SLC1A3: variants seen among roughly 807,000 people sequenced by gnomAD.
SLC1A3 encodes solute carrier family 1 member 3.
Under a neutral mutation model 48.1 loss-of-function variants are expected in SLC1A3, and 21 were observed. That is an observed-to-expected ratio of 0.44 (90% CI 0.31 to 0.63). SLC1A3 has a LOEUF of 0.63. Among genes scored for constraint, SLC1A3 ranks in the 20% least tolerant of loss-of-function variants. The probability of loss-of-function intolerance (pLI) is 0.08; values close to 1 mark genes in which losing one functional copy is unlikely to be tolerated. For missense variants in SLC1A3, 546 were observed against 689.0 expected, an observed-to-expected ratio of 0.79 and a Z score of 2.32; for synonymous variants, 239 against 251.4, an observed-to-expected ratio of 0.95 and a Z score of 0.47.
At chr5:36,655,692 C>T (rs572109307) in intron 3 of SLC1A3, among the ~76,000 whole-genome samples, 1 of 152,348 alleles carries the variant, frequency 6.6e-6, no homozygotes, top group East Asian at 1.9e-4. Context: ...AACTTTCATT[C>T]TGTCCTAGCC....
chr5:36,620,581 A>T (rs1739623305), intron 2 of SLC1A3, among the ~76,000 whole-genome samples: 1 of 152,234 alleles, frequency 6.6e-6, no homozygotes. Context: ...GCTGGGGCCC[A>T]GGCACTGTTG....
chr5:36,604,339 G>GAAA (rs5867330), upstream of SLC1A3, among the ~76,000 whole-genome samples: 3,688 of 150,362 alleles, frequency 0.025, 115 homozygotes, highest in African/African-American at 0.078. Context: ...TTTCTAGAAG[G>GAAA]AAAAAAAAAG....
At chr5:36,624,691 C>T (rs1739832397) in intron 2 of SLC1A3, among the ~76,000 whole-genome samples, 1 of 152,164 alleles carries the variant, frequency 6.6e-6, no homozygotes, top group Admixed American at 6.5e-5. Flanking sequence ...ATTAAATGTC[C>T]TTCTCACGTT....
intron 3 of SLC1A3, among the ~76,000 whole-genome samples, chr5:36,645,224 G>T (rs1403077700): frequency 1.3e-5 from 2 of 150,332 alleles, no homozygotes; most frequent in African/African-American, 4.9e-5. Context: ...TGCAAGGAGA[G>T]CCCCTCAAGT....
chr5:36,680,676 G>C, intron 8 of SLC1A3, 87 bp downstream of exon 8: 1 of 1,129,824 alleles, frequency 8.9e-7, no homozygotes. Flanking sequence ...CTAACACTTT[G>C]GGAGGCCAAG....
intron 3 of SLC1A3, among the ~76,000 whole-genome samples, chr5:36,656,613 A>G (rs1741295788): frequency 6.6e-6 from 1 of 152,254 alleles, no homozygotes; most frequent in Non-Finnish European, 1.5e-5. Context: ...TGAGAAGAGG[A>G]GCTACTATTT....
chr5:36,607,506 T>C (rs1402294148), intron 1 of SLC1A3, among the ~76,000 whole-genome samples: 2 of 152,220 alleles, frequency 1.3e-5, no homozygotes, highest in African/African-American at 4.8e-5. Flanking sequence ...GGAATGAAAA[T>C]TGGTTTCATC....
At chr5:36,668,946 T>C (rs1380144692) in intron 3 of SLC1A3, 7 of 152,066 alleles carry the variant, frequency 4.6e-5, no homozygotes, top group Non-Finnish European at 8.8e-5. Context: ...TCTCTCCGAA[T>C]AGCTGTAGGT....
intron 4 of SLC1A3, among the ~76,000 whole-genome samples, chr5:36,672,556 T>C (rs1409718776): frequency 1.3e-5 from 2 of 152,192 alleles, no homozygotes; most frequent in African/African-American, 4.8e-5. Context: ...CCATTCCCCA[T>C]TGATCTTCTG....
chr5:36,630,824 A>G (rs984298339), intron 3 of SLC1A3, among the ~76,000 whole-genome samples: 1 of 152,212 alleles, frequency 6.6e-6, no homozygotes, highest in Non-Finnish European at 1.5e-5. Context: ...GCATGTACAT[A>G]TGCTTTCACT....
rs751669761 is a variant in SLC1A3 at position 36,677,117 on chromosome 5, C to A, written c.793C>A (p.Gln265Lys). The A allele has an allele frequency of 2.5e-6, 4 of 1,614,108 alleles. No homozygotes were observed. Among genetic ancestry groups the A allele is most frequent in the Middle Eastern group, 1.6e-4 (1 of 6,062 alleles). Residue 265 changes from glutamine to lysine, a missense_variant, in exon 6 of 10, where the codon CAG (glutamine) becomes AAG (lysine). Around this residue, in one of 3 missense-constraint regions of SLC1A3, gnomAD observed 348 missense variants for 392.0 expected, o/e 0.89. Transcript: ENST00000265113. ...GATTGGAAACATGAAGGAACAGGGG[C>A]AGGCCCTGAGAGAGTTCTTTGATTC... ...FVIGNMKEQG[Q>K]ALREFFDSLN...
intron 3 of SLC1A3, among the ~76,000 whole-genome samples, chr5:36,665,485 T>C (rs1741703383): frequency 6.6e-6 from 1 of 152,248 alleles, no homozygotes; most frequent in African/African-American, 2.4e-5. Context: ...TCTTGCAATG[T>C]AGATATTGTT....
At chr5:36,647,360 A>G (rs1384809924) in intron 3 of SLC1A3, among the ~76,000 whole-genome samples, 5 of 152,282 alleles carry the variant, frequency 3.3e-5, no homozygotes, top group African/African-American at 1.2e-4. Context: ...TTTTCAATGT[A>G]CAAGAGGCAA....
At chr5:36,603,802 T>A (rs1001994981), upstream of SLC1A3, among the ~76,000 whole-genome samples, 3 of 152,182 alleles carry the variant, frequency 2.0e-5, no homozygotes, top group Non-Finnish European at 2.9e-5. Flanking sequence ...TTCATGATGA[T>A]CCTAAAATGC....
Position 36,679,867 on chromosome 5 carries a change from A to T in SLC1A3, c.1094+7A>T. ...CTCTGGGGACCTCTTCAAGGTATGTATGTATGTGTGGAAAATGAGTCTGAA... is the reference window on the plus strand; with the variant it reads ...CTCTGGGGACCTCTTCAAGGTATGTTTGTATGTGTGGAAAATGAGTCTGAA... On this transcript the variant is annotated splice_region_variant and intron_variant, in intron 7 of 9. Transcript: ENST00000265113. 6.3e-7 allele frequency: 1 copy of T among 1,594,690 alleles called. No homozygotes were observed. Among genetic ancestry groups the T allele is most frequent in the Non-Finnish European group, 8.6e-7 (1 of 1,162,438 alleles).
At chr5:36,632,870 T>C (rs1057235127) in intron 3 of SLC1A3, among the ~76,000 whole-genome samples, 2 of 152,204 alleles carry the variant, frequency 1.3e-5, no homozygotes, top group African/African-American at 4.8e-5. Context: ...TGTTCCCTTT[T>C]CCCTGAATTT....
At chr5:36,644,143 C>T (rs115568150) in intron 3 of SLC1A3, among the ~76,000 whole-genome samples, 3,385 of 150,626 alleles carry the variant, frequency 0.022, 137 homozygotes, top group African/African-American at 0.078. Context: ...CCCCCCACCC[C>T]CCATAGCAAA....
chr5:36,610,118 C>G (rs1243421058), intron 2 of SLC1A3, among the ~76,000 whole-genome samples: 3 of 152,144 alleles, frequency 2.0e-5, no homozygotes. Context: ...CCCAAAGTGA[C>G]AACACTAGTA....
intron 8 of SLC1A3, 32 bp from the exon 9 acceptor site, chr5:36,683,832 A>T: frequency 6.2e-7 from 1 of 1,614,070 alleles, no homozygotes. Context: ...GCTTTGTAAA[A>T]GTGTTTTCTG....
Sources: allele counts gnomAD v4.1 joint callset (sites outside exome capture counted in the v4.1 genomes callset), GRCh38; gene constraint gnomAD v4.1.1; regional missense constraint gnomAD v4.1.1; transcripts MANE v1.5; gene names NCBI Gene and HGNC (gene_info 2026-07-23, HGNC 2026-07-21).